Variants in ARHGEF10 observed in about 807,000 individuals in gnomAD.
ARHGEF10 encodes Rho guanine nucleotide exchange factor (GEF) 10.
A neutral mutation model predicts 147.4 loss-of-function variants in ARHGEF10; 140 were observed. The observed-to-expected ratio is 0.95, with a 90% confidence interval of 0.83 to 1.09. The LOEUF is 1.09. ARHGEF10 is among the 50% of genes least tolerant of loss of function. The pLI is 0.00. For missense variants in ARHGEF10, 2,222 were observed against 1,752.7 expected (o/e 1.27, Z -4.78); for synonymous variants, 902 against 695.8 (o/e 1.30, Z -4.67).
chr8:1,875,874 A>T (rs773515208), intron 7 of ARHGEF10, among the ~76,000 whole-genome samples: 18 of 152,246 alleles, frequency 1.2e-4, no homozygotes, highest in Non-Finnish European at 2.4e-4. Flanking sequence ...GTGGATGCAT[A>T]AAGAATAAAT....
intron 7 of ARHGEF10, among the ~76,000 whole-genome samples, chr8:1,874,734 G>A (rs11990081): frequency 0.045 from 6,665 of 147,206 alleles, 338 homozygotes; most frequent in African/African-American, 0.13. Context: ...TGTAAGCAGT[G>A]GAGGTTCTAA....
Position 1,888,922 on chromosome 8 carries a change from T to C in ARHGEF10, c.1182+3215T>C, listed in dbSNP as rs566808249. ...TTGGGTGAGGGTTGTGAGGAGACAGTGGGGTGAGGGGTCTGTGACGAGACA... is the reference window on the plus strand; with the variant it reads ...TTGGGTGAGGGTTGTGAGGAGACAGCGGGGTGAGGGGTCTGTGACGAGACA... On this transcript the variant is annotated intron_variant, in intron 11 of 28. Coordinates refer to ENST00000349830, the MANE Select transcript of ARHGEF10 (RefSeq NM_014629.4). Among the ~76,000 whole-genome samples, 25 of 130,656 alleles carry C rather than the reference T, an allele frequency of 1.9e-4. 4 individuals are homozygous for C. Among genetic ancestry groups the C allele is most frequent in the African/African-American group, 8.0e-4 (25 of 31,236 alleles). 85.7% of individuals were successfully genotyped at this position (130,656 alleles called of 152,430 possible).
At chr8:1,912,188 T>G (rs540350607) in intron 18 of ARHGEF10, among the ~76,000 whole-genome samples, 11 of 151,958 alleles carry the variant, frequency 7.2e-5, no homozygotes, top group Non-Finnish European at 1.2e-4. Context: ...ATTGTGTGTT[T>G]GCCGTGTGGT....
At chr8:1,879,300 C>T (rs537969054) in intron 8 of ARHGEF10, among the ~76,000 whole-genome samples, 1 of 152,190 alleles carries the variant, frequency 6.6e-6, no homozygotes, top group Non-Finnish European at 1.5e-5. Context: ...AAAATCCGTG[C>T]TGCCATCCCC....
At chr8:1,874,431 C>G (rs1807469091) in intron 7 of ARHGEF10, among the ~76,000 whole-genome samples, 2 of 152,142 alleles carry the variant, frequency 1.3e-5, no homozygotes. Flanking sequence ...CTCCAGCTCT[C>G]AAAGGGCTGA....
In ARHGEF10 at chr8:1,840,725, A is replaced by G. The variant is rs115933298; in HGVS notation, c.-47-2628A>G. Among the ~76,000 whole-genome samples, 1,062 of 152,252 alleles carry G rather than the reference A, an allele frequency of 7.0e-3. 6 individuals are homozygous for G. The highest frequency in any genetic ancestry group is 0.023 in the African/African-American group (968 of 41,530). On this transcript the variant is annotated intron_variant, in intron 1 of 28. Coordinates refer to ENST00000349830, the MANE Select transcript of ARHGEF10 (RefSeq NM_014629.4). ...TCCTCCCATGAGCGTCATTCCCTACATTCACTGTTGTGGTCCAAGCATGTC... is the reference window on the plus strand; with the variant it reads ...TCCTCCCATGAGCGTCATTCCCTACGTTCACTGTTGTGGTCCAAGCATGTC...
chr8:1,927,613 A>C, intron 23 of ARHGEF10: 1 of 152,472 alleles, frequency 6.6e-6, no homozygotes, highest in East Asian at 1.9e-4. Flanking sequence ...TGTTGCAGCA[A>C]TGCTACTTTA....
chr8:1,940,027 C>T (rs937830826), intron 26 of ARHGEF10, among the ~76,000 whole-genome samples: 51 of 152,084 alleles, frequency 3.4e-4, no homozygotes, highest in Non-Finnish European at 6.5e-4. Context: ...TAACGGGGTG[C>T]GAGACGCTTG....
chr8:1,893,046 A>G (rs1456255070), intron 11 of ARHGEF10, among the ~76,000 whole-genome samples: 6 of 138,090 alleles, frequency 4.3e-5, no homozygotes, highest in Admixed American at 3.9e-4. Flanking sequence ...TACTGTCCAC[A>G]TTCTTGGCCT....
chr8:1,823,887 A>C (rs1802562323), upstream of ARHGEF10: 1 of 151,468 alleles, frequency 6.6e-6, no homozygotes, highest in Non-Finnish European at 1.5e-5. Context: ...TGGGCCCGCC[A>C]ATGACAGCAT....
At position 1,933,810 on chromosome 8, in the gene ARHGEF10, G is replaced by C. The variant is rs1381551862; in HGVS notation, c.3090G>C (p.Trp1030Cys). 3 of 1,614,096 alleles carry C rather than the reference G, an allele frequency of 1.9e-6. No individual in the cohort carries two copies. The highest frequency in any genetic ancestry group is 2.5e-6 in the Non-Finnish European group (3 of 1,180,020). The change falls in exon 26 of 29, where the codon TGG (tryptophan) becomes TGC (cysteine). Residue 1030 changes from tryptophan (W) to cysteine (C), a missense_variant. Coordinates refer to ENST00000349830, the MANE Select transcript of ARHGEF10 (RefSeq NM_014629.4). ...ATATTTTCTTTTAAGATGGATCCTG[G>C]GATTCAGAACCTCAAAAAGTGATCA... ...ASYARAPDGS[W>C]DSEPQKVIKL...
rs1046436762 is a variant in ARHGEF10 at position 1,957,538 on chromosome 8, C to T, written c.*275C>T. The T allele has an allele frequency of 2.9e-5, 16 of 556,894 alleles. No individual in the cohort carries two copies. The highest frequency in any genetic ancestry group is 4.8e-5 in the Non-Finnish European group (15 of 312,432). 34.5% of individuals were successfully genotyped at this position (556,894 alleles called of 1,614,324 possible). ...TGCAGTTCTGGGAAAATACCACATT[C>T]TTTTTGACTGCTGTAGTCCATATGT... On this transcript the variant is annotated 3_prime_UTR_variant, in exon 29 of 29. Transcript: ENST00000349830.
intron 26 of ARHGEF10, 27 bp from the exon 27 acceptor site, chr8:1,945,454 A>G (rs750223171): frequency 3.2e-6 from 5 of 1,565,028 alleles, no homozygotes; most frequent in African/African-American, 2.7e-5. Context: ...CCACGGGGCT[A>G]GCAGACTTGA....
intron 2 of ARHGEF10, among the ~76,000 whole-genome samples, chr8:1,851,035 G>T (rs541424921): frequency 1.3e-5 from 2 of 152,070 alleles, no homozygotes; most frequent in African/African-American, 4.8e-5. Context: ...AGGGGTTTGC[G>T]GGGGGGAGGG....
At chr8:1,895,829 C>G (rs987533436) in intron 13 of ARHGEF10, among the ~76,000 whole-genome samples, 5 of 152,220 alleles carry the variant, frequency 3.3e-5, no homozygotes, top group African/African-American at 1.2e-4. Flanking sequence ...TAACAGAAAC[C>G]TTTGTGCTTT....
chr8:1,905,401 G>C (rs1810801818), intron 16 of ARHGEF10, among the ~76,000 whole-genome samples, 170 bp from the exon 17 acceptor site: 1 of 152,206 alleles, frequency 6.6e-6, no homozygotes, highest in Non-Finnish European at 1.5e-5. Flanking sequence ...GTGAAAGTCT[G>C]TGAGGAAGGA....
rs1166879255 is a variant in ARHGEF10, at chr8:1,957,085, A to G, written c.3857A>G (p.Lys1286Arg). 2 of 1,613,434 alleles carry G rather than the reference A, an allele frequency of 1.2e-6. No homozygotes were observed. Among genetic ancestry groups the G allele is most frequent in the African/African-American group, 2.7e-5 (2 of 74,936 alleles). The change falls in exon 29 of 29, where the codon AAG becomes AGG. Residue 1286 changes from lysine (K) to arginine (R), a missense_variant. Coordinates refer to ENST00000349830, the MANE Select transcript of ARHGEF10 (RefSeq NM_014629.4). ...GACAGCACCATCTATGATCTCCTGA[A>G]GGATCCTGTCTCGCTGAGAAGCAAA... ...SEDSTIYDLL[K>R]DPVSLRSKAR...
rs954553955 is a variant in ARHGEF10, at chr8:1,859,955, G to T, written c.252G>T (p.Val84=). 1 of 1,614,172 alleles carries T rather than the reference G, an allele frequency of 6.2e-7. No individual in the cohort carries two copies. Among genetic ancestry groups the T allele is most frequent in the African/African-American group, 1.3e-5 (1 of 75,034 alleles). ...CAGTGGCAGAGCCTACTAAGCTGGTGCTCCCGATGAAAGTCAACCCATATT... is the reference window on the plus strand; with the variant it reads ...CAGTGGCAGAGCCTACTAAGCTGGTTCTCCCGATGAAAGTCAACCCATATT... ...TTPVAEPTKL[V]LPMKVNPYSV... The change falls in exon 4 of 29, where the codon GTG becomes GTT. Residue 84 remains valine (V), a synonymous_variant. Coordinates refer to ENST00000349830, the MANE Select transcript of ARHGEF10 (RefSeq NM_014629.4).
chr8:1,842,917 A>T (rs1351812755), intron 1 of ARHGEF10, among the ~76,000 whole-genome samples: 2 of 152,212 alleles, frequency 1.3e-5, no homozygotes, highest in African/African-American at 4.8e-5. Context: ...GCCTAATCCC[A>T]GCTAAGTCTG....
Sources: allele counts gnomAD v4.1 joint callset (sites outside exome capture counted in the v4.1 genomes callset), GRCh38; gene constraint gnomAD v4.1.1; transcripts MANE v1.5; gene names NCBI Gene and HGNC (gene_info 2026-07-23, HGNC 2026-07-21).